FSTL5: variants seen among roughly 807,000 people sequenced by gnomAD.
FSTL5 encodes follistatin-related protein 5.
A neutral mutation model predicts 89.1 loss-of-function variants in FSTL5; 62 were observed. The observed-to-expected ratio is 0.70, with a 90% CI of 0.57 to 0.86. The LOEUF is 0.86. FSTL5 is among the 40% of genes least tolerant of loss of function. The pLI is 0.00. For synonymous variants in FSTL5, 383 were observed against 346.2 expected (o/e 1.11, Z -1.18); for missense variants, 1,057 against 1,001.6 (o/e 1.06, Z -0.75).
intron 4 of FSTL5, among the ~76,000 whole-genome samples, chr4:161,839,936 G>A (rs1283901762): frequency 6.6e-6 from 1 of 152,182 alleles, no homozygotes; most frequent in Non-Finnish European, 1.5e-5. Context: ...AGAGCATGTA[G>A]AAAGAAAAGC....
intron 7 of FSTL5, among the ~76,000 whole-genome samples, chr4:161,590,901 C>T (rs1384562525): frequency 2.0e-5 from 3 of 152,136 alleles, no homozygotes; most frequent in African/African-American, 7.2e-5. Context: ...CCCCAAAGAA[C>T]TGAAAACATG....
intron 7 of FSTL5, among the ~76,000 whole-genome samples, chr4:161,635,249 C>A (rs1228649787): frequency 6.6e-6 from 1 of 151,936 alleles, no homozygotes; most frequent in Non-Finnish European, 1.5e-5. Context: ...ATTAGCCGGG[C>A]GTGGTGGCAG....
chr4:161,600,195 A>G (rs1482770801), intron 7 of FSTL5, among the ~76,000 whole-genome samples: 2 of 150,398 alleles, frequency 1.3e-5, no homozygotes, highest in Non-Finnish European at 2.9e-5. Context: ...ACACACACAC[A>G]CACAAACAGT....
chr4:161,424,836 A>T (rs1732117088), intron 15 of FSTL5, among the ~76,000 whole-genome samples: 1 of 152,232 alleles, frequency 6.6e-6, no homozygotes, highest in African/African-American at 2.4e-5. Flanking sequence ...TGATCTAAAA[A>T]CAAACCAGTT....
At chr4:161,547,477 A>C (rs539620026) in intron 8 of FSTL5, among the ~76,000 whole-genome samples, 17 of 152,088 alleles carry the variant, frequency 1.1e-4, no homozygotes, top group Middle Eastern at 3.4e-3. Context: ...TTAATATCAA[A>C]ATGTGACAAG....
intron 4 of FSTL5, among the ~76,000 whole-genome samples, chr4:161,785,922 C>T (rs986596011): frequency 6.6e-6 from 1 of 152,000 alleles, no homozygotes; most frequent in Non-Finnish European, 1.5e-5. Flanking sequence ...TGCTTTGTCT[C>T]ATTTATCACA....
At chr4:161,833,290 T>A (rs1438234091) in intron 4 of FSTL5, among the ~76,000 whole-genome samples, 1 of 152,108 alleles carries the variant, frequency 6.6e-6, no homozygotes, top group Non-Finnish European at 1.5e-5. Context: ...TGAGGAGAGC[T>A]TTACTTCCAA....
intron 4 of FSTL5, among the ~76,000 whole-genome samples, chr4:161,909,883 T>C (rs1317031104): frequency 6.6e-6 from 1 of 152,118 alleles, no homozygotes; most frequent in African/African-American, 2.4e-5. Context: ...CTCTCCCTCC[T>C]GGCAATTACA....
intron 15 of FSTL5, among the ~76,000 whole-genome samples, chr4:161,434,086 A>C (rs563039744): frequency 1.3e-5 from 2 of 152,098 alleles, no homozygotes; most frequent in Non-Finnish European, 2.9e-5. Flanking sequence ...AATATCTCAG[A>C]ATAGCCAAAG....
Position 161,644,444 on chromosome 4 carries a change from T to C in FSTL5, c.894+11884A>G, listed in dbSNP as rs190791519. ...TGGAGGCTGAGGCAGGAGAATCACT[T>C]GAACTCGGGAGGTGGAGGTTGTAGT... On this transcript the variant is annotated intron_variant, in intron 7 of 15. Coordinates refer to ENST00000306100, the MANE Select transcript of FSTL5 (RefSeq NM_020116.5). Among the ~76,000 whole-genome samples the C allele has an allele frequency of 6.0e-3, 910 of 151,834 alleles. 9 individuals carry two copies. Among genetic ancestry groups the C allele is most frequent in the South Asian group, 0.046 (220 of 4,824 alleles).
intron 8 of FSTL5, among the ~76,000 whole-genome samples, chr4:161,564,520 ATTAAT>A (rs1421870786): frequency 9.2e-6 from 1 of 108,702 alleles, no homozygotes; most frequent in African/African-American, 2.6e-5. Context: ...AACTCATATA[ATTAAT>A]TTATTAATTT....
chr4:162,061,374 C>T (rs1738712854), intron 2 of FSTL5, among the ~76,000 whole-genome samples: 1 of 152,158 alleles, frequency 6.6e-6, no homozygotes, highest in Non-Finnish European at 1.5e-5. Context: ...CTCTGGAATA[C>T]AAGTGGCATG....
At chr4:161,728,557 T>C (rs909877111) in intron 6 of FSTL5, among the ~76,000 whole-genome samples, 5 of 152,092 alleles carry the variant, frequency 3.3e-5, no homozygotes, top group Non-Finnish European at 5.9e-5. Flanking sequence ...CGAGGGAACA[T>C]ACATGAGAAT....
intron 6 of FSTL5, among the ~76,000 whole-genome samples, chr4:161,739,114 T>C (rs1462527807): frequency 2.6e-5 from 4 of 152,222 alleles, no homozygotes; most frequent in Non-Finnish European, 5.9e-5. Context: ...CAAATTCATA[T>C]GTTGAAATTC....
chr4:161,564,552 G>T (rs1172279924), intron 8 of FSTL5, among the ~76,000 whole-genome samples: 3 of 150,782 alleles, frequency 2.0e-5, no homozygotes, highest in Non-Finnish European at 4.4e-5. Flanking sequence ...CTAAAAATTT[G>T]CTTTCAATAA....
intron 8 of FSTL5, among the ~76,000 whole-genome samples, chr4:161,573,733 C>CAAA (rs70937664): frequency 2.6e-4 from 13 of 50,618 alleles, no homozygotes; most frequent in South Asian, 1.2e-3. Flanking sequence ...AACTCCAGCT[C>CAAA]AAAAAAAAAA....
intron 6 of FSTL5, among the ~76,000 whole-genome samples, chr4:161,675,421 T>C (rs1259888592): frequency 6.6e-6 from 1 of 151,526 alleles, no homozygotes; most frequent in African/African-American, 2.4e-5. Flanking sequence ...TGCTTAATTA[T>C]CAATTTAATA....
At chr4:162,044,147 A>C (rs554078338) in intron 2 of FSTL5, among the ~76,000 whole-genome samples, 175 of 152,296 alleles carry the variant, frequency 1.1e-3, no homozygotes, top group Non-Finnish European at 2.3e-3. Flanking sequence ...CATCAGAGGA[A>C]TCACTGTCTA....
chr4:161,842,158 C>T lies in FSTL5; in HGVS notation c.410-66084G>A, dbSNP rs190447387. Among the ~76,000 whole-genome samples the T allele has an allele frequency of 1.9e-3, 288 of 152,130 alleles. 1 individual carries two copies. The highest frequency in any genetic ancestry group is 6.5e-3 in the African/African-American group (268 of 41,480). ...TGAAGGTACAGTCTGTGAACCTTTC[C>T]GTGTGTAATTAAGAAGGCCGTTTGC... On this transcript the variant is annotated intron_variant, in intron 4 of 15. Coordinates refer to ENST00000306100, the MANE Select transcript of FSTL5 (RefSeq NM_020116.5).
Sources: gnomAD v4.1 joint callset for allele counts (sites outside exome capture counted in the v4.1 genomes callset) on GRCh38, gnomAD v4.1.1 for gene constraint, MANE v1.5 for transcripts, NCBI Gene and HGNC (gene_info 2026-07-23, HGNC 2026-07-21) for gene names.